The following EAPP variants were observed in gnomAD, a reference collection of about 807,000 sequenced individuals.
EAPP encodes E2F-associated phosphoprotein.
In EAPP, 38 loss-of-function variants were observed where a neutral mutation model predicts 34.3. That is an observed-to-expected ratio of 1.11 (90% CI 0.85 to 1.45). The LOEUF is 1.45. Among genes scored for constraint, EAPP ranks in the 40% most tolerant of loss-of-function variants. The probability of loss-of-function intolerance (pLI) is 0.00; values close to 1 mark genes in which losing one functional copy is unlikely to be tolerated. For missense variants in EAPP, 338 were observed against 343.7 expected, an observed-to-expected ratio of 0.98 and a Z score of 0.13; for synonymous variants, 113 against 117.6, an observed-to-expected ratio of 0.96 and a Z score of 0.25.
chr14:34,526,433 A>C (rs1384653854), intron 4 of EAPP, among the ~76,000 whole-genome samples: 3 of 151,734 alleles, frequency 2.0e-5, no homozygotes, highest in Admixed American at 6.6e-5. Context: ...GTCCCAAAAA[A>C]ACAAAAACAA....
Position 34,516,256 on chromosome 14 carries a change from T to G in EAPP, c.*54A>C, listed in dbSNP as rs955479192. ...TATGAACAGGCAAGAGGAAAGTAAC[T>G]GTCCATATTTGCCTTATATACAGTA... On this transcript the variant is annotated 3_prime_UTR_variant, in exon 6 of 6. Transcript: ENST00000250454. 2 of 1,491,346 alleles carry G rather than the reference T, an allele frequency of 1.3e-6. No homozygotes were observed. Among genetic ancestry groups the G allele is most frequent in the Non-Finnish European group, 1.8e-6 (2 of 1,106,586 alleles). 92.4% of individuals were successfully genotyped at this position (1,491,346 alleles called of 1,614,324 possible).
At chr14:34,533,625 A>G (rs1462262945) in intron 2 of EAPP, 86 bp from the exon 3 acceptor site, 1 of 804,980 alleles carries the variant, frequency 1.2e-6, no homozygotes, top group Non-Finnish European at 2.0e-6. Flanking sequence ...CATCACCTCA[A>G]AACAATATCA....
intron 1 of EAPP, chr14:34,539,255 C>A (rs1880576190): frequency 3.4e-6 from 2 of 582,194 alleles, no homozygotes; most frequent in Non-Finnish European, 6.4e-6. Context: ...AACTGACTTG[C>A]CTTCCGTCAC....
At chr14:34,538,463 C>CT (rs1326194472) in intron 1 of EAPP, among the ~76,000 whole-genome samples, 1 of 152,154 alleles carries the variant, frequency 6.6e-6, no homozygotes, top group Non-Finnish European at 1.5e-5. Context: ...AACTGAAACT[C>CT]TTTTTCACAG....
intron 2 of EAPP, 39 bp downstream of exon 2, chr14:34,536,055 G>C (rs1438805830): frequency 9.9e-6 from 15 of 1,514,352 alleles, no homozygotes; most frequent in Non-Finnish European, 1.3e-5. Context: ...CCCTTACAGA[G>C]CTTACAAAAA....
At chr14:34,536,060 CA>C in intron 2 of EAPP, 33 bp downstream of exon 2, 1 of 1,558,164 alleles carries the variant, frequency 6.4e-7, no homozygotes, top group Non-Finnish European at 8.7e-7. Flanking sequence ...ACAGAGCTTA[CA>C]AAAATATATA....
intron 4 of EAPP, among the ~76,000 whole-genome samples, chr14:34,526,925 C>G (rs1026961080): frequency 2.0e-5 from 3 of 151,320 alleles, no homozygotes; most frequent in African/African-American, 7.3e-5. Context: ...AACCCCAACA[C>G]TTTGGGAGGC....
chr14:34,534,479 C>T (rs1880399633), intron 2 of EAPP, among the ~76,000 whole-genome samples: 2 of 152,142 alleles, frequency 1.3e-5, no homozygotes, highest in Admixed American at 1.3e-4. Context: ...GTACATTTTA[C>T]ATAAAGACCA....
At chr14:34,519,746 G>A (rs183115419) in intron 5 of EAPP, among the ~76,000 whole-genome samples, 27 of 151,292 alleles carry the variant, frequency 1.8e-4, no homozygotes, top group African/African-American at 5.1e-4. Context: ...GTCTTCCTTC[G>A]TGATTAAGTG....
At chr14:34,521,635 C>CTTTTTTT (rs34835280) in intron 5 of EAPP, among the ~76,000 whole-genome samples, 2 of 129,682 alleles carry the variant, frequency 1.5e-5, no homozygotes, top group Non-Finnish European at 3.2e-5. Context: ...TCCCAGATTT[C>CTTTTTTT]TTTTTTTTTT....
intron 4 of EAPP, among the ~76,000 whole-genome samples, chr14:34,526,332 G>C (rs868119293): frequency 6.6e-6 from 1 of 151,780 alleles, no homozygotes; most frequent in Non-Finnish European, 1.5e-5. Context: ...GGGAGGCTGA[G>C]GCAGAGAACT....
intron 3 of EAPP, among the ~76,000 whole-genome samples, chr14:34,532,183 C>T (rs748782551): frequency 2.0e-4 from 30 of 150,616 alleles, no homozygotes; most frequent in South Asian, 1.3e-3. Context: ...GAGGCCAGGC[C>T]GCGGTGGCTC....
chr14:34,518,734 T>C (rs1049029931), intron 5 of EAPP, among the ~76,000 whole-genome samples: 2 of 152,168 alleles, frequency 1.3e-5, no homozygotes, highest in African/African-American at 2.4e-5. Flanking sequence ...CCCCTTTATA[T>C]AGTAAACTTC....
intron 4 of EAPP, among the ~76,000 whole-genome samples, chr14:34,528,278 C>T (rs914595731): frequency 7.2e-5 from 11 of 151,958 alleles, no homozygotes; most frequent in Admixed American, 1.3e-4. Flanking sequence ...TCAAGTGATC[C>T]GCCCGCCTTG....
intron 3 of EAPP, among the ~76,000 whole-genome samples, chr14:34,530,012 G>A (rs765233777): frequency 1.4e-4 from 17 of 118,258 alleles, no homozygotes; most frequent in South Asian, 3.1e-4. Flanking sequence ...GCGAGACTCC[G>A]TTTCAAAGAA....
chr14:34,530,965 A>AG (rs1340458866), intron 3 of EAPP, among the ~76,000 whole-genome samples: 6 of 148,682 alleles, frequency 4.0e-5, no homozygotes, highest in African/African-American at 1.5e-4. Flanking sequence ...AAAAAAAAAG[A>AG]GAAAAAAAAA....
intron 4 of EAPP, 39 bp downstream of exon 4, chr14:34,529,319 T>C: frequency 7.0e-7 from 1 of 1,431,348 alleles, no homozygotes; most frequent in Non-Finnish European, 9.8e-7. Context: ...TTTCAATCTT[T>C]TTTTCTAAAG....
At position 34,539,220 on chromosome 14, in the gene EAPP, A is replaced by G. The variant is rs1056559560; in HGVS notation, c.74+335T>C. ...TATACAATTATGTTATTATAGTTCAATTTTACAGGTGAGTAATCGAGGATA... is the reference window on the plus strand; with the variant it reads ...TATACAATTATGTTATTATAGTTCAGTTTTACAGGTGAGTAATCGAGGATA... On this transcript the variant is annotated intron_variant, in intron 1 of 5. Coordinates refer to ENST00000250454, the MANE Select transcript of EAPP (RefSeq NM_018453.4). The G allele has an allele frequency of 3.0e-5, 15 of 492,980 alleles. 1 individual carries two copies. In the East Asian group the frequency reaches 5.3e-4, roughly 17 times the overall value. The allele number at this position is 492,980 out of a possible 1,614,324, so 30.5% of individuals were successfully genotyped here.
rs184636490 is a variant in EAPP at position 34,532,288 on chromosome 14, T to C, written c.352+1156A>G. On this transcript the variant is annotated intron_variant, in intron 3 of 5. Transcript: ENST00000250454. The stretch of plus-strand genomic sequence containing the variant: ...GCCTGGCTAACATGGTGAAACCCCG[T>C]TTCTCCTAAAAAAACAAAAAATTAG... Among the ~76,000 whole-genome samples, 13 of 151,326 alleles carry C rather than the reference T, an allele frequency of 8.6e-5. 1 individual carries two copies. In the East Asian group the frequency reaches 2.5e-3, roughly 30 times the overall value.
Sources: allele counts gnomAD v4.1 joint callset (sites outside exome capture counted in the v4.1 genomes callset), GRCh38; gene constraint gnomAD v4.1.1; transcripts MANE v1.5; gene names NCBI Gene and HGNC (gene_info 2026-07-23, HGNC 2026-07-21).